The following MYOF variants were observed in gnomAD, a reference collection of about 807,000 sequenced individuals.
The protein encoded by MYOF is fer-1-like 3, myoferlin.
Under a neutral mutation model 284.2 loss-of-function variants are expected in MYOF, and 244 were observed. That is an observed-to-expected ratio of 0.86 (90% CI 0.77 to 0.95). The LOEUF is 0.95. Ranked by LOEUF, MYOF falls within the 40% of genes least tolerant of loss-of-function variation. MYOF has a pLI of 0.00. For missense variants in MYOF, 2,496 were observed against 2,560.6 expected, an observed-to-expected ratio of 0.97 and a Z score of 0.54; for synonymous variants, 904 against 919.7, an observed-to-expected ratio of 0.98 and a Z score of 0.31.
intron 3 of MYOF, among the ~76,000 whole-genome samples, chr10:93,446,853 G>T (rs1305326241): frequency 6.6e-6 from 1 of 151,914 alleles, no homozygotes. Flanking sequence ...CCTGAGCTGG[G>T]ATTACAGGTG....
chr10:93,476,277 G>A (rs2057261316), intron 1 of MYOF, among the ~76,000 whole-genome samples: 1 of 116,584 alleles, frequency 8.6e-6, no homozygotes, highest in Non-Finnish European at 1.7e-5. Flanking sequence ...TTTTTAGATG[G>A]AGTCTGGCTT....
At chr10:93,462,429 C>G (rs888865533) in intron 1 of MYOF, among the ~76,000 whole-genome samples, 1 of 152,090 alleles carries the variant, frequency 6.6e-6, no homozygotes, top group African/African-American at 2.4e-5. Flanking sequence ...ATGACGTAGG[C>G]ACTGTTTTAT....
intron 53 of MYOF, among the ~76,000 whole-genome samples, chr10:93,307,967 G>A (rs1407805689): frequency 1.3e-5 from 2 of 151,014 alleles, no homozygotes; most frequent in South Asian, 2.1e-4. Flanking sequence ...ACTAGACCGG[G>A]TGCAGTGGCT....
chr10:93,409,771 T>C lies in MYOF; in HGVS notation c.434-32A>G, dbSNP rs1479693699. ...TATCAGAAAGAAACCCAGTGAGGGA[T>C]AGCCCTTATCCTGTAAATGTCCAAA... On this transcript the variant is annotated intron_variant, in intron 5 of 53. Transcript: ENST00000359263. 5.6e-6 allele frequency: 9 copies of C among 1,612,988 alleles called. No homozygotes were observed. In the Middle Eastern group the frequency reaches 8.2e-4, roughly 147 times the overall value.
chr10:93,415,643 C>A (rs189473156), intron 5 of MYOF, among the ~76,000 whole-genome samples: 1 of 152,278 alleles, frequency 6.6e-6, no homozygotes, highest in East Asian at 1.9e-4. Flanking sequence ...CCAAATCAAT[C>A]ATCTACCTGT....
chr10:93,414,265 G>A (rs903854659), intron 5 of MYOF, among the ~76,000 whole-genome samples: 13 of 151,888 alleles, frequency 8.6e-5, no homozygotes, highest in South Asian at 2.1e-4. Context: ...GGCCAGGTTT[G>A]GCGGCTCACA....
chr10:93,413,925 C>T (rs563946144), intron 5 of MYOF, among the ~76,000 whole-genome samples: 5 of 151,918 alleles, frequency 3.3e-5, no homozygotes, highest in Admixed American at 6.6e-5. Flanking sequence ...CCCAGGAGGT[C>T]GAGGCTGCAG....
intron 1 of MYOF, among the ~76,000 whole-genome samples, chr10:93,474,948 C>A (rs536944968): frequency 9.2e-5 from 14 of 152,258 alleles, no homozygotes; most frequent in African/African-American, 2.9e-4. Context: ...AGGGATTCAC[C>A]ATGCTGGCCA....
intron 22 of MYOF, among the ~76,000 whole-genome samples, chr10:93,376,999 T>C (rs142626682): frequency 1.9e-4 from 29 of 152,276 alleles, no homozygotes; most frequent in African/African-American, 6.5e-4. Context: ...GTGGGGGTCA[T>C]TCTTGGGTTG....
chr10:93,435,918 T>C (rs900643926), intron 3 of MYOF, among the ~76,000 whole-genome samples: 1 of 150,838 alleles, frequency 6.6e-6, no homozygotes, highest in African/African-American at 2.4e-5. Flanking sequence ...ATAATAATAA[T>C]AATAATAAAT....
At chr10:93,330,142 C>T (rs1236561802) in intron 43 of MYOF, among the ~76,000 whole-genome samples, 2 of 152,338 alleles carry the variant, frequency 1.3e-5, no homozygotes, top group East Asian at 3.9e-4. Flanking sequence ...TAAGTTTTCT[C>T]ATCTGTAAAG....
Position 93,426,127 on chromosome 10 carries a change from G to A in MYOF, c.377C>T (p.Pro126Leu), listed in dbSNP as rs751514621. The A allele has an allele frequency of 4.5e-6, 7 of 1,560,948 alleles. No homozygotes were observed. In the Admixed American group the frequency reaches 5.7e-5, roughly 13 times the overall value. The change falls in exon 5 of 54, where the codon CCG (proline) becomes CTG (leucine). Residue 126 changes from proline (P) to leucine (L), a missense_variant. Coordinates refer to ENST00000359263, the MANE Select transcript of MYOF (RefSeq NM_013451.4). ...ATIDLVIGYD[P>L]PSAPHPNDLS... The stretch of plus-strand genomic sequence containing the variant: ...GTCATTTGGATGTGGAGCAGAAGGC[G>A]GATCATAGCCGATCACCAAGTCAAT...
At chr10:93,347,122 T>C (rs1011851181) in intron 37 of MYOF, among the ~76,000 whole-genome samples, 6 of 152,174 alleles carry the variant, frequency 3.9e-5, no homozygotes, top group Admixed American at 3.9e-4. Context: ...GCTCTGCCAC[T>C]TACGAATGAT....
intron 1 of MYOF, among the ~76,000 whole-genome samples, chr10:93,458,017 TA>T (rs1446436063): frequency 6.6e-6 from 1 of 151,992 alleles, no homozygotes; most frequent in Non-Finnish European, 1.5e-5. Flanking sequence ...GTGCTGGGAT[TA>T]CAGGTATGAG....
intron 27 of MYOF, 34 bp from the exon 28 acceptor site, chr10:93,361,591 G>A: frequency 6.2e-7 from 1 of 1,607,576 alleles, no homozygotes; most frequent in Non-Finnish European, 8.5e-7. Flanking sequence ...AAGAAGAGAG[G>A]TAAGCCATAG....
intron 1 of MYOF, among the ~76,000 whole-genome samples, chr10:93,480,692 T>G (rs1041327064): frequency 1.3e-5 from 2 of 151,930 alleles, no homozygotes; most frequent in African/African-American, 4.8e-5. Context: ...GCCTGGCTGG[T>G]CTCGAACTCC....
chr10:93,419,032 C>T (rs1369176340), intron 5 of MYOF, among the ~76,000 whole-genome samples: 1 of 152,204 alleles, frequency 6.6e-6, no homozygotes, highest in East Asian at 1.9e-4. Flanking sequence ...CCATGGTCTT[C>T]CCATCAAGGA....
At chr10:93,472,788 C>T (rs560602413) in intron 1 of MYOF, among the ~76,000 whole-genome samples, 1 of 152,338 alleles carries the variant, frequency 6.6e-6, no homozygotes, top group East Asian at 1.9e-4. Flanking sequence ...CCACAGCTGA[C>T]CAGCATCCTG....
At chr10:93,308,100 G>A (rs551428820) in intron 53 of MYOF, among the ~76,000 whole-genome samples, 10 of 149,942 alleles carry the variant, frequency 6.7e-5, no homozygotes, top group East Asian at 6.1e-4. Flanking sequence ...AAAATTAGCC[G>A]GGCATGGTGG....
Sources: gnomAD v4.1 joint callset for allele counts (sites outside exome capture counted in the v4.1 genomes callset) on GRCh38, gnomAD v4.1.1 for gene constraint, MANE v1.5 for transcripts, NCBI Gene and HGNC (gene_info 2026-07-23, HGNC 2026-07-21) for gene names.